The following NAALADL2 variants were observed in gnomAD, a reference collection of about 807,000 sequenced individuals.
The protein encoded by NAALADL2 is inactive N-acetylated-alpha-linked acidic dipeptidase-like protein 2.
A neutral mutation model predicts 87.2 loss-of-function variants in NAALADL2; 76 were observed. The observed-to-expected ratio is 0.87, with a 90% CI of 0.72 to 1.05. The LOEUF (loss-of-function observed/expected upper bound fraction) is 1.05, where lower values mean the gene tolerates loss of function less well. Ranked by LOEUF, NAALADL2 falls within the 50% of genes least tolerant of loss-of-function variation. The pLI is 0.00. For synonymous variants in NAALADL2, 354 were observed against 331.0 expected, an observed-to-expected ratio of 1.07 and a Z score of -0.75; for missense variants, 1,089 against 945.8, an observed-to-expected ratio of 1.15 and a Z score of -1.99.
intron 5 of NAALADL2, among the ~76,000 whole-genome samples, chr3:175,333,689 G>A (rs941100869): frequency 6.0e-5 from 9 of 149,902 alleles, no homozygotes; most frequent in South Asian, 2.1e-4. Context: ...GGTGGGCGCC[G>A]GGGGGATGAA....
chr3:175,103,672 G>A (rs1054721892), intron 2 of NAALADL2, among the ~76,000 whole-genome samples: 5 of 152,114 alleles, frequency 3.3e-5, no homozygotes, highest in African/African-American at 1.2e-4. Context: ...AGCTATGATG[G>A]ATCAAAAGAT....
intron 4 of NAALADL2, among the ~76,000 whole-genome samples, chr3:175,276,479 A>G (rs1422547430): frequency 6.6e-6 from 1 of 151,554 alleles, no homozygotes; most frequent in Non-Finnish European, 1.5e-5. Context: ...AGTTTTTTGT[A>G]TTTTTACTAG....
intron 1 of NAALADL2, among the ~76,000 whole-genome samples, chr3:174,881,846 A>G (rs1337848799): frequency 1.3e-5 from 2 of 152,178 alleles, no homozygotes; most frequent in African/African-American, 4.8e-5. Context: ...ATGCAATTTC[A>G]AAGAGAGATA....
At chr3:175,299,703 A>T (rs7647137) in intron 4 of NAALADL2, among the ~76,000 whole-genome samples, 2 of 152,114 alleles carry the variant, frequency 1.3e-5, no homozygotes, top group East Asian at 3.9e-4. Context: ...GGCTGAGACC[A>T]TGGGGTTTTC....
chr3:175,502,002 C>T (rs1729611700), intron 9 of NAALADL2, among the ~76,000 whole-genome samples: 2 of 151,958 alleles, frequency 1.3e-5, no homozygotes, highest in African/African-American at 4.8e-5. Flanking sequence ...TCAAAAAGGG[C>T]TGATTAAAAA....
intron 9 of NAALADL2, among the ~76,000 whole-genome samples, chr3:175,509,898 C>T (rs185083331): frequency 2.8e-4 from 42 of 152,014 alleles, no homozygotes; most frequent in East Asian, 1.2e-3. Flanking sequence ...ATGTGCACAA[C>T]GTGCAGGTTT....
At chr3:174,547,895 A>G (rs975695037) in intron 1 of NAALADL2, among the ~76,000 whole-genome samples, 6 of 152,318 alleles carry the variant, frequency 3.9e-5, no homozygotes, top group African/African-American at 1.4e-4. Context: ...GTAAATTACA[A>G]AAGAATTAAA....
intron 13 of NAALADL2, among the ~76,000 whole-genome samples, chr3:175,771,923 T>G (rs1029323845): frequency 5.3e-5 from 8 of 152,122 alleles, no homozygotes; most frequent in African/African-American, 1.9e-4. Flanking sequence ...GAAAAGGCCC[T>G]TATAGAACCA....
intron 13 of NAALADL2, among the ~76,000 whole-genome samples, chr3:175,784,240 C>T (rs890451582): frequency 4.0e-5 from 6 of 150,286 alleles, no homozygotes; most frequent in Non-Finnish European, 8.9e-5. Flanking sequence ...GGAGGATTCC[C>T]TCTTTTTCTA....
intron 2 of NAALADL2, among the ~76,000 whole-genome samples, chr3:175,144,756 T>A (rs921031686): frequency 6.6e-6 from 1 of 151,964 alleles, no homozygotes; most frequent in African/African-American, 2.4e-5. Context: ...AGTTCTTGTG[T>A]TTAATGCCTC....
intron 4 of NAALADL2, among the ~76,000 whole-genome samples, chr3:175,258,324 CAAAAAAAAA>C (rs1287997792): frequency 9.9e-6 from 1 of 100,750 alleles, no homozygotes; most frequent in Admixed American, 1.0e-4. Flanking sequence ...CCCCCACCAC[CAAAAAAAAA>C]AAAAAAAAAA....
At chr3:175,282,972 T>C (rs568635865) in intron 4 of NAALADL2, among the ~76,000 whole-genome samples, 20 of 151,784 alleles carry the variant, frequency 1.3e-4, no homozygotes, top group Non-Finnish European at 2.9e-4. Flanking sequence ...GAAATGCTCC[T>C]TGTTGGAAGT....
chr3:175,708,784 A>AC (rs1385322883), intron 11 of NAALADL2, among the ~76,000 whole-genome samples: 7 of 151,688 alleles, frequency 4.6e-5, no homozygotes, highest in African/African-American at 1.7e-4. Flanking sequence ...AAACAGCTTT[A>AC]CTATTCTTTC....
intron 2 of NAALADL2, among the ~76,000 whole-genome samples, chr3:175,147,159 T>C (rs762430519): frequency 3.7e-4 from 56 of 152,208 alleles, no homozygotes; most frequent in Non-Finnish European, 5.7e-4. Context: ...ATATATTGCA[T>C]GATGCTGAAA....
intron 9 of NAALADL2, among the ~76,000 whole-genome samples, chr3:175,514,146 C>G (rs961883780): frequency 2.0e-5 from 3 of 152,156 alleles, no homozygotes; most frequent in Non-Finnish European, 4.4e-5. Context: ...GTAAATGCAG[C>G]ATGATAATTG....
intron 2 of NAALADL2, among the ~76,000 whole-genome samples, chr3:175,137,688 C>T (rs1475296858): frequency 6.6e-6 from 1 of 151,536 alleles, no homozygotes; most frequent in Non-Finnish European, 1.5e-5. Flanking sequence ...TCAGTGCTAC[C>T]TCCTGGGTTC....
intron 2 of NAALADL2, among the ~76,000 whole-genome samples, chr3:175,136,721 A>G (rs982571913): frequency 3.3e-5 from 5 of 152,138 alleles, no homozygotes; most frequent in South Asian, 4.1e-4. Context: ...TCTGCTACCA[A>G]TTGAAGGCTT....
At chr3:174,478,064 T>C (rs1327644175) in intron 1 of NAALADL2, among the ~76,000 whole-genome samples, 1 of 152,146 alleles carries the variant, frequency 6.6e-6, no homozygotes, top group Non-Finnish European at 1.5e-5. Context: ...TAAGGTAACA[T>C]ATGGCTTATC....
intron 2 of NAALADL2, among the ~76,000 whole-genome samples, chr3:175,146,040 G>C (rs1250911594): frequency 6.6e-6 from 1 of 152,036 alleles, no homozygotes; most frequent in Non-Finnish European, 1.5e-5. Flanking sequence ...AATTCTCACT[G>C]TAGAAAATGT....
Sources: gnomAD v4.1 joint callset for allele counts (sites outside exome capture counted in the v4.1 genomes callset) on GRCh38, gnomAD v4.1.1 for gene constraint, MANE v1.5 for transcripts, NCBI Gene and HGNC (gene_info 2026-07-23, HGNC 2026-07-21) for gene names.